Variants in TLL2 observed in about 807,000 individuals in gnomAD.
TLL2 encodes the protein tolloid-like protein 2.
Under a neutral mutation model 123.0 loss-of-function variants are expected in TLL2, and 106 were observed. The ratio of observed to expected loss-of-function variants is 0.86; its 90% confidence interval spans 0.74 to 1.01. The LOEUF (loss-of-function observed/expected upper bound fraction) is 1.01. Among genes scored for constraint, TLL2 ranks in the 50% least tolerant of loss-of-function variants. The probability of loss-of-function intolerance (pLI) is 0.00; values close to 1 mark genes in which losing one functional copy is unlikely to be tolerated. For synonymous variants in TLL2, 494 were observed against 516.8 expected, an observed-to-expected ratio of 0.96 and a Z score of 0.60; for missense variants, 1,332 against 1,336.7, an observed-to-expected ratio of 1.00 and a Z score of 0.06.
intron 7 of TLL2, among the ~76,000 whole-genome samples, chr10:96,418,643 A>T (rs1846588747): frequency 6.6e-6 from 1 of 151,596 alleles, no homozygotes; most frequent in Admixed American, 6.6e-5. Flanking sequence ...CAAGGATCTC[A>T]GTCTACTGCC....
chr10:96,424,776 T>G (rs1284616461), intron 5 of TLL2, among the ~76,000 whole-genome samples: 1 of 139,420 alleles, frequency 7.2e-6, no homozygotes. Context: ...TATTGTTTTG[T>G]TTTTTTTGCA....
At chr10:96,442,369 A>T (rs572896710) in intron 3 of TLL2, among the ~76,000 whole-genome samples, 1 of 152,310 alleles carries the variant, frequency 6.6e-6, no homozygotes, top group South Asian at 2.1e-4. Flanking sequence ...CCTGAGATTG[A>T]CACAACGTGT....
Position 96,368,592 on chromosome 10 carries a change from G to A in TLL2, c.2914-370C>T, listed in dbSNP as rs530620409. 1.2e-3 allele frequency among the ~76,000 whole-genome samples: 185 copies of A among 152,274 alleles called. 1 individual carries two copies. Among genetic ancestry groups the A allele is most frequent in the African/African-American group, 4.1e-3 (171 of 41,556 alleles). On this transcript the variant is annotated intron_variant, in intron 20 of 20. Coordinates refer to ENST00000357947, the MANE Select transcript of TLL2 (RefSeq NM_012465.4). ...TCAGGAAACTGAGACTCAAGTTCTC[G>A]CAGGTAGGCGGGACCCAAGCTTAGG...
At chr10:96,393,978 A>G (rs1846313912) in intron 13 of TLL2, among the ~76,000 whole-genome samples, 1 of 152,110 alleles carries the variant, frequency 6.6e-6, no homozygotes, top group African/African-American at 2.4e-5. Context: ...CCTTCTTCCT[A>G]TTTTACAGAG....
chr10:96,456,070 T>C (rs1448530562), intron 2 of TLL2, among the ~76,000 whole-genome samples: 1 of 152,150 alleles, frequency 6.6e-6, no homozygotes, highest in East Asian at 1.9e-4. Context: ...ATCACTAGCT[T>C]TAGTTACAAA....
intron 19 of TLL2, among the ~76,000 whole-genome samples, chr10:96,371,440 C>G (rs1242536788): frequency 6.6e-6 from 1 of 152,234 alleles, no homozygotes; most frequent in Admixed American, 6.5e-5. Flanking sequence ...GTGCTCCATG[C>G]CCCCCGAGGG....
intron 2 of TLL2, among the ~76,000 whole-genome samples, chr10:96,456,480 C>T (rs985357940): frequency 1.3e-5 from 2 of 152,192 alleles, no homozygotes; most frequent in African/African-American, 2.4e-5. Flanking sequence ...CCTGGTAACC[C>T]GCTCTCTGCC....
rs759674977 is a variant in TLL2 at position 96,413,244 on chromosome 10, C to A, written c.996G>T (p.Val332=). 1 of 1,614,208 alleles carries A rather than the reference C, an allele frequency of 6.2e-7. No homozygotes were observed. Among genetic ancestry groups the A allele is most frequent in the African/African-American group, 1.3e-5 (1 of 75,060 alleles). Residue 332 remains valine (V), a synonymous_variant, in exon 8 of 21, where the codon GTG becomes GTT. Coordinates refer to ENST00000357947, the MANE Select transcript of TLL2 (RefSeq NM_012465.4). ...GAGCTATGTCTCCCTGACTGAGCCGCACGCGCTGGCCAATGGTTGGCCTGA... is the reference window on the plus strand; with the variant it reads ...GAGCTATGTCTCCCTGACTGAGCCGAACGCGCTGGCCAATGGTTGGCCTGA... The part of the protein sequence containing the change: ...NGVRPTIGQR[V]RLSQGDIAQA...
intron 7 of TLL2, among the ~76,000 whole-genome samples, chr10:96,414,757 C>A (rs996392932): frequency 6.6e-6 from 1 of 152,148 alleles, no homozygotes; most frequent in African/African-American, 2.4e-5. Flanking sequence ...TTCCATCCTT[C>A]TCCTGCTCAC....
At chr10:96,426,444 T>C in intron 5 of TLL2, among the ~76,000 whole-genome samples, 1 of 152,168 alleles carries the variant, frequency 6.6e-6, no homozygotes. Context: ...TTTGAAAGCG[T>C]TCATCTTTCT....
At chr10:96,486,609 C>G (rs1037107578) in intron 1 of TLL2, among the ~76,000 whole-genome samples, 1 of 152,234 alleles carries the variant, frequency 6.6e-6, no homozygotes, top group Non-Finnish European at 1.5e-5. Context: ...ACAGGTAAGC[C>G]TCTCTCCCAT....
intron 7 of TLL2, among the ~76,000 whole-genome samples, chr10:96,419,980 A>T (rs1180609805): frequency 2.0e-5 from 3 of 152,226 alleles, no homozygotes; most frequent in African/African-American, 7.2e-5. Context: ...TATAACTCTG[A>T]GCACTAAACT....
chr10:96,480,768 C>T (rs1464852126), intron 1 of TLL2, among the ~76,000 whole-genome samples: 1 of 152,222 alleles, frequency 6.6e-6, no homozygotes, highest in Non-Finnish European at 1.5e-5. Context: ...CACAAAAAGA[C>T]AGCTGCTTCT....
chr10:96,502,288 G>A (rs1159904798), intron 1 of TLL2, among the ~76,000 whole-genome samples: 1 of 152,196 alleles, frequency 6.6e-6, no homozygotes, highest in Admixed American at 6.5e-5. Context: ...GCAATGGGGT[G>A]ACATTAAAGG....
At chr10:96,507,219 T>C (rs1436301195) in intron 1 of TLL2, among the ~76,000 whole-genome samples, 1 of 152,088 alleles carries the variant, frequency 6.6e-6, no homozygotes, top group African/African-American at 2.4e-5. Context: ...CACACCTGCT[T>C]GGCTGAGCTG....
chr10:96,476,240 A>ATATATATATATATATTTTTTTTTTT lies in TLL2; in HGVS notation c.286+4108_286+4109insAAAAAAAAAAATATATATATATATA. On this transcript the variant is annotated intron_variant, in intron 2 of 20. Transcript: ENST00000357947. ...TTTATATGTATATATATATATATAT[A>ATATATATATATATATTTTTTTTTTT]TTTTATTTTTGTTGTTGTTGTTGTT... Among the ~76,000 whole-genome samples, 17 of 20,438 alleles carry ATATATATATATATATTTTTTTTTTT rather than the reference A, an allele frequency of 8.3e-4. 2 individuals are homozygous for ATATATATATATATATTTTTTTTTTT. The highest frequency in any genetic ancestry group is 1.8e-3 in the South Asian group (1 of 568). 13.4% of individuals were successfully genotyped at this position (20,438 alleles called of 152,430 possible).
chr10:96,415,624 A>G (rs1186859019), intron 7 of TLL2, among the ~76,000 whole-genome samples: 6 of 150,576 alleles, frequency 4.0e-5, no homozygotes, highest in African/African-American at 1.5e-4. Flanking sequence ...ATCAGGATAA[A>G]GCACTGTCTT....
At chr10:96,495,258 C>T (rs767082053) in intron 1 of TLL2, among the ~76,000 whole-genome samples, 10 of 152,004 alleles carry the variant, frequency 6.6e-5, no homozygotes, top group Admixed American at 2.0e-4. Flanking sequence ...GGGCCAGAGG[C>T]GGGGAGCGTT....
At chr10:96,416,763 A>G (rs1846566308) in intron 7 of TLL2, among the ~76,000 whole-genome samples, 1 of 152,192 alleles carries the variant, frequency 6.6e-6, no homozygotes, top group South Asian at 2.1e-4. Flanking sequence ...GCTGTTTACT[A>G]CAAGAGCCGT....
Sources: gnomAD v4.1 joint callset for allele counts (sites outside exome capture counted in the v4.1 genomes callset) on GRCh38, gnomAD v4.1.1 for gene constraint, MANE v1.5 for transcripts, NCBI Gene and HGNC (gene_info 2026-07-23, HGNC 2026-07-21) for gene names.